The following PRICKLE1 variants were observed in gnomAD, a reference collection of about 807,000 sequenced individuals.
PRICKLE1 encodes the protein prickle planar cell polarity protein 1, also known as prickle-like protein 1.
A neutral mutation model predicts 70.2 loss-of-function variants in PRICKLE1; 14 were observed. That is an observed-to-expected ratio of 0.20 (90% CI 0.13 to 0.31). PRICKLE1 has a LOEUF of 0.31. Ranked by LOEUF, PRICKLE1 falls within the 10% of genes least tolerant of loss-of-function variation. The pLI is 1.00. For missense variants in PRICKLE1, 821 were observed against 1,026.2 expected (o/e 0.80, Z 2.73); for synonymous variants, 357 against 379.9 (o/e 0.94, Z 0.70).
intron 1 of PRICKLE1, among the ~76,000 whole-genome samples, chr12:42,567,175 G>A (rs537259343): frequency 9.9e-5 from 15 of 152,260 alleles, no homozygotes; most frequent in African/African-American, 3.6e-4. Flanking sequence ...AAAGCTCCTC[G>A]ATGGATACCA....
intron 1 of PRICKLE1, among the ~76,000 whole-genome samples, chr12:42,529,372 GC>G (rs1468751417): frequency 2.0e-5 from 3 of 152,164 alleles, no homozygotes; most frequent in African/African-American, 7.2e-5. Context: ...TAAATGAATA[GC>G]CTTTAAAATA....
chr12:42,580,985 C>T (rs1248487350), intron 1 of PRICKLE1, among the ~76,000 whole-genome samples: 1 of 152,012 alleles, frequency 6.6e-6, no homozygotes, highest in Admixed American at 6.6e-5. Context: ...GAAAGAAAAG[C>T]AGGCAGGCAG....
intron 1 of PRICKLE1, among the ~76,000 whole-genome samples, chr12:42,575,693 C>CA (rs888933263): frequency 1.7e-4 from 24 of 144,552 alleles, no homozygotes; most frequent in East Asian, 6.0e-4. Context: ...AACTCCATCT[C>CA]AAAAAAAAAT....
At chr12:42,515,546 C>T (rs12297778) in intron 1 of PRICKLE1, among the ~76,000 whole-genome samples, 3,765 of 152,228 alleles carry the variant, frequency 0.025, 145 homozygotes, top group African/African-American at 0.086. Flanking sequence ...AAGGCATTAT[C>T]TGTTAACTTC....
chr12:42,528,949 G>T (rs1939861194), intron 1 of PRICKLE1, among the ~76,000 whole-genome samples: 1 of 152,146 alleles, frequency 6.6e-6, no homozygotes, highest in African/African-American at 2.4e-5. Flanking sequence ...GAAACCAAAA[G>T]ATGACTCTTT....
chr12:42,550,434 T>C (rs557864892), intron 1 of PRICKLE1: 17 of 152,280 alleles, frequency 1.1e-4, no homozygotes, highest in African/African-American at 4.1e-4. Context: ...TTTGAAGAAA[T>C]TCACTGGAAA....
intron 1 of PRICKLE1, chr12:42,524,638 C>T (rs1399957547): frequency 6.6e-6 from 1 of 152,172 alleles, no homozygotes; most frequent in Non-Finnish European, 1.5e-5. Context: ...TCTTGAACTC[C>T]TGACCTCATG....
intron 1 of PRICKLE1, among the ~76,000 whole-genome samples, chr12:42,552,059 CTTTTTTTTTTTTT>C (rs201217516): frequency 1.2e-4 from 15 of 129,258 alleles, no homozygotes; most frequent in Non-Finnish European, 1.9e-4. Context: ...AAGAAAGTTA[CTTTTTTTTTTTTT>C]TTTTTTTTTT....
At position 42,461,302 on chromosome 12, in the gene PRICKLE1, T is replaced by G. The variant is rs915703031; in HGVS notation, c.1640-637A>C. Among the ~76,000 whole-genome samples the G allele has an allele frequency of 2.0e-5, 3 of 152,232 alleles. No individual in the cohort carries two copies. In the East Asian group the frequency reaches 5.8e-4, roughly 29 times the overall value. ...AGCCTGTTCATTCATTAACATAAGATGTAGAAGCTTCTGCTCCTCAATTCA... is the reference window on the plus strand; with the variant it reads ...AGCCTGTTCATTCATTAACATAAGAGGTAGAAGCTTCTGCTCCTCAATTCA... On this transcript the variant is annotated intron_variant, in intron 7 of 7. Coordinates refer to ENST00000345127, the MANE Select transcript of PRICKLE1 (RefSeq NM_153026.3).
In PRICKLE1 at chr12:42,553,536, G is replaced by T. The variant is rs541633312; in HGVS notation, c.-49+35929C>A. Among the ~76,000 whole-genome samples, 29 of 138,928 alleles carry T rather than the reference G, an allele frequency of 2.1e-4. No homozygotes were observed. In the East Asian group the frequency reaches 7.3e-3, roughly 35 times the overall value. 91.1% of individuals were successfully genotyped at this position (138,928 alleles called of 152,430 possible). On this transcript the variant is annotated intron_variant, in intron 1 of 7. Coordinates refer to ENST00000345127, the MANE Select transcript of PRICKLE1 (RefSeq NM_153026.3). ...GCTCTAGAATCAGGGGGTGGGTGGG[G>T]CGGGGGGGGTCTGAGTGTCCCTCCT...
chr12:42,461,573 G>C (rs1937838076), intron 7 of PRICKLE1, among the ~76,000 whole-genome samples: 1 of 152,144 alleles, frequency 6.6e-6, no homozygotes, highest in Non-Finnish European at 1.5e-5. Context: ...AAGGGCTATC[G>C]AGCCCATTAT....
At chr12:42,497,309 G>C (rs1484231923) in intron 1 of PRICKLE1, among the ~76,000 whole-genome samples, 1 of 152,156 alleles carries the variant, frequency 6.6e-6, no homozygotes, top group East Asian at 1.9e-4. Flanking sequence ...ACTTTGGGAG[G>C]CCAGGGCGGG....
Position 42,477,955 on chromosome 12 carries a change from CTTTTTTT to C in PRICKLE1, c.-48-5398_-48-5392del, listed in dbSNP as rs35905569. 1.7e-3 allele frequency among the ~76,000 whole-genome samples: 230 copies of C among 133,134 alleles called. 1 individual carries two copies. The highest frequency in any genetic ancestry group is 3.0e-3 in the Non-Finnish European group (185 of 61,430). The allele number at this position is 133,134 out of a possible 152,430, so 87.3% of individuals were successfully genotyped here. On this transcript the variant is annotated intron_variant, in intron 1 of 7. Coordinates refer to ENST00000345127, the MANE Select transcript of PRICKLE1 (RefSeq NM_153026.3). ...GAACTAACAGTGGCCCTGCCCTATA[CTTTTTTT>C]TTTTTTTTTTTGGTACAATTTTATT...
chr12:42,474,230 C>A (rs914545390), intron 1 of PRICKLE1, among the ~76,000 whole-genome samples: 7 of 152,272 alleles, frequency 4.6e-5, no homozygotes, highest in Middle Eastern at 3.4e-3. Flanking sequence ...TGAGATTGCA[C>A]CCCTGGACTC....
intron 1 of PRICKLE1, among the ~76,000 whole-genome samples, chr12:42,566,313 A>G (rs539590810): frequency 8.9e-4 from 136 of 152,276 alleles, no homozygotes; most frequent in African/African-American, 2.4e-3. Flanking sequence ...GTTAAGGATA[A>G]CATCCAGTTT....
intron 1 of PRICKLE1, among the ~76,000 whole-genome samples, chr12:42,569,470 T>C (rs1377678289): frequency 6.6e-6 from 1 of 152,208 alleles, no homozygotes; most frequent in African/African-American, 2.4e-5. Context: ...TTCTTCCTGT[T>C]GGATGTGGGA....
intron 1 of PRICKLE1, among the ~76,000 whole-genome samples, chr12:42,554,799 T>C (rs1263074575): frequency 6.6e-6 from 1 of 152,110 alleles, no homozygotes; most frequent in African/African-American, 2.4e-5. Context: ...GCTCACGTTC[T>C]CTTCACCAAC....
At chr12:42,527,025 C>T (rs1218049366) in intron 1 of PRICKLE1, among the ~76,000 whole-genome samples, 1 of 150,464 alleles carries the variant, frequency 6.6e-6, no homozygotes, top group African/African-American at 2.5e-5. Flanking sequence ...TATCGCCACA[C>T]ATTCATATGA....
intron 1 of PRICKLE1, among the ~76,000 whole-genome samples, chr12:42,545,490 C>A (rs752775938): frequency 6.6e-6 from 1 of 152,196 alleles, no homozygotes; most frequent in Non-Finnish European, 1.5e-5. Context: ...AAGTCTCATG[C>A]ATTAAATTGT....
Sources: gnomAD v4.1 joint callset for allele counts (sites outside exome capture counted in the v4.1 genomes callset) on GRCh38, gnomAD v4.1.1 for gene constraint, MANE v1.5 for transcripts, NCBI Gene and HGNC (gene_info 2026-07-23, HGNC 2026-07-21) for gene names.